Variants in RFX3 observed in about 807,000 individuals in gnomAD.
RFX3 encodes the protein regulatory factor X3.
A neutral mutation model predicts 98.6 loss-of-function variants in RFX3; 14 were observed. The observed-to-expected ratio is 0.14, with a 90% CI of 0.09 to 0.22. The LOEUF is 0.22. RFX3 is among the 10% of genes least tolerant of loss of function. The pLI is 1.00. For missense variants in RFX3, 639 were observed against 926.9 expected (o/e 0.69, Z 4.03); for synonymous variants, 383 against 328.4 (o/e 1.17, Z -1.80).
At chr9:3,524,487 G>A (rs1178421369) in intron 1 of RFX3, 5 of 978,356 alleles carry the variant, frequency 5.1e-6, no homozygotes, top group Non-Finnish European at 6.1e-6. Flanking sequence ...CACGTTTCAA[G>A]TTGAGAACCT....
At chr9:3,470,412 T>A (rs1361062683) in intron 1 of RFX3, among the ~76,000 whole-genome samples, 1 of 151,874 alleles carries the variant, frequency 6.6e-6, no homozygotes, top group Non-Finnish European at 1.5e-5. Context: ...CCTACCGGGT[T>A]CACGCCATTC....
chr9:3,385,283 A>C (rs780876393), intron 2 of RFX3, among the ~76,000 whole-genome samples: 17 of 152,212 alleles, frequency 1.1e-4, no homozygotes, highest in Non-Finnish European at 2.1e-4. Flanking sequence ...AAAAAGAACT[A>C]ATGCTAAAAT....
chr9:3,469,176 A>G (rs1304833880), intron 1 of RFX3: 1 of 455,986 alleles, frequency 2.2e-6, no homozygotes, highest in Non-Finnish European at 4.4e-6. Flanking sequence ...AGAAAGAAAT[A>G]CATGTCCAAA....
intron 1 of RFX3, among the ~76,000 whole-genome samples, chr9:3,444,900 A>G (rs1360781509): frequency 6.6e-6 from 1 of 152,194 alleles, no homozygotes; most frequent in Non-Finnish European, 1.5e-5. Context: ...TGAAGCAGAA[A>G]CTCAAATGAT....
At chr9:3,493,284 G>C (rs1587852199) in intron 1 of RFX3, among the ~76,000 whole-genome samples, 1 of 152,254 alleles carries the variant, frequency 6.6e-6, no homozygotes, top group South Asian at 2.1e-4. Flanking sequence ...ATGATTGAGA[G>C]AGGTTCCCCT....
chr9:3,401,984 G>A (rs1230650342), intron 1 of RFX3, among the ~76,000 whole-genome samples: 1 of 152,196 alleles, frequency 6.6e-6, no homozygotes, highest in Admixed American at 6.6e-5. Context: ...GAACAAACAT[G>A]CATTATTGCA....
chr9:3,416,753 T>A (rs2132280246), intron 1 of RFX3, among the ~76,000 whole-genome samples: 1 of 151,948 alleles, frequency 6.6e-6, no homozygotes, highest in South Asian at 2.1e-4. Flanking sequence ...AATAAGTCAA[T>A]TAACAACATA....
At chr9:3,362,770 ATAAATCATCCC>A (rs1327567615) in intron 2 of RFX3, among the ~76,000 whole-genome samples, 1 of 152,222 alleles carries the variant, frequency 6.6e-6, no homozygotes, top group Non-Finnish European at 1.5e-5. Flanking sequence ...AATTAGTTCA[ATAAATCATCCC>A]TAGATGCCTA....
chr9:3,490,412 T>C (rs946438260), intron 1 of RFX3: 3 of 371,592 alleles, frequency 8.1e-6, no homozygotes, highest in African/African-American at 6.6e-5. Context: ...GTAGAAGCCA[T>C]GTGACTATTT....
At chr9:3,384,996 A>G (rs1254039259) in intron 2 of RFX3, among the ~76,000 whole-genome samples, 1 of 152,180 alleles carries the variant, frequency 6.6e-6, no homozygotes, top group Admixed American at 6.6e-5. Context: ...TCATACTATA[A>G]ATGACAATTT....
chr9:3,384,993 A>ATAAATGACAATTTTGATTTGGACCT (rs1839555552), intron 2 of RFX3, among the ~76,000 whole-genome samples: 1 of 152,224 alleles, frequency 6.6e-6, no homozygotes, highest in African/African-American at 2.4e-5. Context: ...AGCTCATACT[A>ATAAATGACAATTTTGATTTGGACCT]TAAATGACAA....
intron 14 of RFX3, among the ~76,000 whole-genome samples, chr9:3,249,691 T>A (rs1389926222): frequency 6.6e-6 from 1 of 152,004 alleles, no homozygotes; most frequent in East Asian, 1.9e-4. Flanking sequence ...TAAGCACGGG[T>A]TTGAAGTTAC....
chr9:3,325,051 G>T (rs2130804158), intron 4 of RFX3, among the ~76,000 whole-genome samples: 1 of 152,256 alleles, frequency 6.6e-6, no homozygotes, highest in South Asian at 2.1e-4. Flanking sequence ...GGAAACGGGT[G>T]AGAGAGACTC....
At position 3,252,509 on chromosome 9, in the gene RFX3, G is replaced by C. The variant is rs575188982; in HGVS notation, c.1815-4324C>G. 1.1e-4 allele frequency among the ~76,000 whole-genome samples: 16 copies of C among 152,292 alleles called. 2 individuals are homozygous for C. Among genetic ancestry groups the C allele is most frequent in the African/African-American group, 3.8e-4 (16 of 41,568 alleles). On this transcript the variant is annotated intron_variant, in intron 14 of 16. Coordinates refer to ENST00000617270, the MANE Select transcript of RFX3 (RefSeq NM_001282116.2). ...GGATTGAAGTGAGGAAACGAACACA[G>C]GTGAAGAGTCTTCCTGGCAGAAAGG... is the stretch of plus-strand genomic sequence containing the variant.
At chr9:3,461,399 C>A (rs1453033112) in intron 1 of RFX3, among the ~76,000 whole-genome samples, 6 of 151,830 alleles carry the variant, frequency 4.0e-5, no homozygotes, top group Non-Finnish European at 7.4e-5. Context: ...GAAAATAGAA[C>A]AGTTTTAACA....
Position 3,432,344 on chromosome 9 carries a change from T to C in RFX3, c.-8-36748A>G, listed in dbSNP as rs142852036. 3.3e-5 allele frequency among the ~76,000 whole-genome samples: 5 copies of C among 152,180 alleles called. No homozygotes were observed. In the East Asian group the frequency reaches 9.7e-4, roughly 29 times the overall value. On this transcript the variant is annotated intron_variant, in intron 1 of 16. Coordinates refer to ENST00000617270, the MANE Select transcript of RFX3 (RefSeq NM_001282116.2). ...TCATAAGGATTTTTAAGGCACATAG[T>C]ACTCAATGGAAAGGACTGTCGATAC...
At chr9:3,398,601 T>C (rs1013068639) in intron 1 of RFX3, among the ~76,000 whole-genome samples, 1 of 152,138 alleles carries the variant, frequency 6.6e-6, no homozygotes, top group African/African-American at 2.4e-5. Context: ...AGTTATAGCT[T>C]CTCCTTTAAG....
At chr9:3,312,167 C>T (rs1363227774) in intron 4 of RFX3, among the ~76,000 whole-genome samples, 1 of 152,090 alleles carries the variant, frequency 6.6e-6, no homozygotes, top group Non-Finnish European at 1.5e-5. Context: ...TAGTTTCAGT[C>T]ATATGTATAC....
chr9:3,300,493 C>T (rs963242186), intron 5 of RFX3, among the ~76,000 whole-genome samples: 4 of 151,192 alleles, frequency 2.6e-5, no homozygotes, highest in African/African-American at 9.7e-5. Flanking sequence ...AGATCAAATA[C>T]TTAAAAAAAA....
Sources: gnomAD v4.1 joint callset for allele counts (sites outside exome capture counted in the v4.1 genomes callset) on GRCh38, gnomAD v4.1.1 for gene constraint, MANE v1.5 for transcripts, NCBI Gene and HGNC (gene_info 2026-07-23, HGNC 2026-07-21) for gene names.